PPP6R2: variants seen among roughly 807,000 people sequenced by gnomAD.
PPP6R2 encodes the protein protein phosphatase 6 regulatory subunit 2.
A neutral mutation model predicts 100.2 loss-of-function variants in PPP6R2; 62 were observed. The ratio of observed to expected loss-of-function variants is 0.62; its 90% CI spans 0.50 to 0.76. The LOEUF is 0.76. PPP6R2 is among the 30% of genes least tolerant of loss of function. PPP6R2 has a pLI of 0.00. For synonymous variants in PPP6R2, 525 were observed against 514.7 expected (o/e 1.02, Z -0.27); for missense variants, 1,142 against 1,276.3 (o/e 0.89, Z 1.60).
At chr22:50,334,856 A>T in the PPP6R2 span, among the ~76,000 whole-genome samples, 5 of 151,982 alleles carry the variant, frequency 3.3e-5, no homozygotes, top group African/African-American at 4.8e-5. Context: ...AGTCCCAGCT[A>T]CTTAGGAGAC....
chr22:50,441,222 A>G (rs4824133), intron 22 of PPP6R2, 196 bp downstream of exon 22: 398,477 of 577,420 alleles, frequency 0.69, 139,220 homozygotes, highest in East Asian at 0.93. Context: ...CGTGGAGGCC[A>G]GATGGGAGAA....
Position 50,438,196 on chromosome 22 carries a change from C to T in PPP6R2, c.1862C>T (p.Ala621Val), listed in dbSNP as rs2064817809. Residue 621 changes from alanine to valine, a missense_variant, in exon 18 of 24, where the codon GCC (alanine) becomes GTC (valine). Around this residue, in one of 2 missense-constraint regions of PPP6R2, gnomAD observed 550 missense variants for 517.4 expected, o/e 1.06. Coordinates refer to ENST00000612753, the MANE Select transcript of PPP6R2 (RefSeq NM_001242898.2). ...CAGCCCAGCGCAGCTCTGTTTGAGG[C>T]CTGCTGCAGTGACCGCATCCAGCCC... is the stretch of plus-strand genomic sequence containing the variant. ...EDSPSAALFE[A>V]CCSDRIQPFD... 1 of 1,613,374 alleles carries T rather than the reference C, an allele frequency of 6.2e-7. No individual in the cohort carries two copies. The highest frequency in any genetic ancestry group is 1.7e-5 in the Admixed American group (1 of 59,894).
rs374830069 is a variant in PPP6R2 at position 50,440,850 on chromosome 22, C to T, written c.2403C>T (p.Asn801=). ...GCCCGGCTTCTCCATGTGCCTGGAA[C>T]GTGTGTGTCACCAGGAAGGCCCCCC... ...AFSPASPCAW[N]VCVTRKAPLL... Residue 801 remains asparagine, a synonymous_variant, in exon 22 of 24, where the codon AAC becomes AAT. Coordinates refer to ENST00000612753, the MANE Select transcript of PPP6R2 (RefSeq NM_001242898.2). The T allele has an allele frequency of 1.1e-5, 17 of 1,613,660 alleles. No homozygotes were observed. The highest frequency in any genetic ancestry group is 3.4e-4 in the Middle Eastern group (2 of 5,932).
intron 1 of PPP6R2, among the ~76,000 whole-genome samples, chr22:50,356,024 G>A (rs2046481089): frequency 6.7e-6 from 1 of 148,938 alleles, no homozygotes; most frequent in African/African-American, 2.5e-5. Context: ...GTGCAGTGGC[G>A]CGATCTCGGC....
At chr22:50,366,868 G>A (rs1236161037) in intron 1 of PPP6R2, among the ~76,000 whole-genome samples, 1 of 151,730 alleles carries the variant, frequency 6.6e-6, no homozygotes, top group Non-Finnish European at 1.5e-5. Context: ...GGCTTTTCCA[G>A]CAGAAGCTGG....
chr22:50,406,975 G>A (rs534177686), intron 4 of PPP6R2, 100 bp downstream of exon 4: 9 of 1,216,576 alleles, frequency 7.4e-6, no homozygotes, highest in East Asian at 4.7e-5. Flanking sequence ...CTCCGGCCGC[G>A]GGAACAGCAT....
At position 50,392,807 on chromosome 22, in the gene PPP6R2, C is replaced by T. The variant is rs117715322; in HGVS notation, c.-16-1086C>T. Among the ~76,000 whole-genome samples the T allele has an allele frequency of 1.2e-3, 184 of 152,226 alleles. 1 individual carries two copies. In the East Asian group the frequency reaches 0.031, roughly 26 times the overall value. ...CAGAGGCTGTGGGAGTGTGGCTGGA[C>T]GATGGAGGCTCCCGTGTCAGGGGTC... On this transcript the variant is annotated intron_variant, in intron 2 of 23. Coordinates refer to ENST00000612753, the MANE Select transcript of PPP6R2 (RefSeq NM_001242898.2).
chr22:50,393,783 A>C, intron 2 of PPP6R2, 110 bp from the exon 3 acceptor site: 1 of 1,535,748 alleles, frequency 6.5e-7, no homozygotes, highest in African/African-American at 1.4e-5. Context: ...AGTGTTGCTG[A>C]GGGTGGATCT....
At position 50,431,230 on chromosome 22, in the gene PPP6R2, A is replaced by G. The variant is rs1319900245; in HGVS notation, c.1183A>G (p.Ile395Val). ...TTTGCACTTCCAAGTGGAACTATGCATAGCCGCTATTCTCTCCCACGCTGC... is the reference window on the plus strand; with the variant it reads ...TTTGCACTTCCAAGTGGAACTATGCGTAGCCGCTATTCTCTCCCACGCTGC... ...NFLHFQVELCIAAILSHAARE... is the reference protein window; with the variant it reads ...NFLHFQVELCVAAILSHAARE... Residue 395 changes from isoleucine (I) to valine (V), a missense_variant, in exon 11 of 24, where the codon ATA becomes GTA. This residue lies in a region of PPP6R2 where 592 missense variants were observed against 758.9 expected (regional missense o/e 0.78). Transcript: ENST00000612753. The surrounding 1 kb of genome is among the most constrained non-coding windows in gnomAD (Gnocchi z 4.8). 13 of 1,613,902 alleles carry G rather than the reference A, an allele frequency of 8.1e-6. No individual in the cohort carries two copies. The highest frequency in any genetic ancestry group is 1.0e-5 in the Non-Finnish European group (12 of 1,179,990).
intron 4 of PPP6R2, among the ~76,000 whole-genome samples, chr22:50,412,967 T>G (rs1029569099): frequency 2.0e-4 from 26 of 131,220 alleles, no homozygotes; most frequent in East Asian, 1.4e-3. Context: ...TTTTTTTTTG[T>G]TTTTTTTTTT....
At position 50,414,550 on chromosome 22, in the gene PPP6R2, A is replaced by G; in HGVS notation, c.415-2A>G. 1 of 1,613,808 alleles carries G rather than the reference A, an allele frequency of 6.2e-7. No homozygotes were observed. The highest frequency in any genetic ancestry group is 8.5e-7 in the Non-Finnish European group (1 of 1,179,832). On this transcript the variant is annotated splice_acceptor_variant, in intron 4 of 23. Transcript: ENST00000612753. LOFTEE classifies it high-confidence loss of function. ...CTGCCTCTCAGGTGTGTGTGATTTCAGGTGATTACGTTTTTGAAGAAGAAG... is the reference window on the plus strand; with the variant it reads ...CTGCCTCTCAGGTGTGTGTGATTTCGGGTGATTACGTTTTTGAAGAAGAAG...
At chr22:50,434,339 G>C (rs2063727274) in intron 12 of PPP6R2, among the ~76,000 whole-genome samples, 1 of 69,102 alleles carries the variant, frequency 1.4e-5, no homozygotes, top group African/African-American at 7.6e-5. Context: ...ACCTGGAGGA[G>C]GGCCGGGGGC....
intron 2 of PPP6R2, among the ~76,000 whole-genome samples, chr22:50,378,420 C>T (rs2052103834): frequency 6.6e-6 from 1 of 152,082 alleles, no homozygotes; most frequent in South Asian, 2.1e-4. Context: ...AACCCCATCT[C>T]TACTAAAAAT....
chr22:50,367,802 A>G (rs1009838017), intron 1 of PPP6R2, among the ~76,000 whole-genome samples: 1 of 152,154 alleles, frequency 6.6e-6, no homozygotes, highest in African/African-American at 2.4e-5. Context: ...TCGTAGAAAT[A>G]AAGACATAAA....
intron 4 of PPP6R2, among the ~76,000 whole-genome samples, chr22:50,408,360 G>A (rs1210203683): frequency 1.3e-5 from 2 of 152,206 alleles, no homozygotes; most frequent in African/African-American, 4.8e-5. Flanking sequence ...GAAGGCCGCG[G>A]TTCCCCTTGA....
chr22:50,389,354 G>A (rs1414031075), intron 2 of PPP6R2, among the ~76,000 whole-genome samples: 1 of 152,200 alleles, frequency 6.6e-6, no homozygotes, highest in South Asian at 2.1e-4. Context: ...GGGCCAACCA[G>A]GAAGATGCTA....
intron 1 of PPP6R2, among the ~76,000 whole-genome samples, chr22:50,346,371 C>T (rs2043709308): frequency 2.5e-5 from 1 of 40,340 alleles, no homozygotes; most frequent in African/African-American, 1.1e-4. Context: ...CGTCAGTGCC[C>T]CCTCCAGTCA....
chr22:50,372,516 T>G (rs1246849094), intron 2 of PPP6R2, among the ~76,000 whole-genome samples: 3 of 151,796 alleles, frequency 2.0e-5, no homozygotes, highest in Admixed American at 1.3e-4. Flanking sequence ...GTCACTGTAC[T>G]CCAGTCTGGG....
At chr22:50,439,923 T>TC (rs747620268) in intron 20 of PPP6R2, 38 bp from the exon 21 acceptor site, 1 of 1,607,658 alleles carries the variant, frequency 6.2e-7, no homozygotes, top group Non-Finnish European at 8.5e-7. Context: ...GAGGCACCTG[T>TC]CCCCCAGGAC....
Sources: gnomAD v4.1 joint callset for allele counts (sites outside exome capture counted in the v4.1 genomes callset) on GRCh38, gnomAD v4.1.1 for gene constraint, gnomAD v4.1.1 regional missense constraint, Gnocchi (gnomAD v3.1) non-coding constraint, MANE v1.5 for transcripts, NCBI Gene and HGNC (gene_info 2026-07-23, HGNC 2026-07-21) for gene names.